The following FEZ1 variants were observed in gnomAD, a reference collection of about 807,000 sequenced individuals.
FEZ1 encodes the protein fasciculation and elongation protein zeta-1.
FEZ1 carries 20 observed loss-of-function variants against 49.3 expected under a neutral mutation model. That is an observed-to-expected ratio of 0.41 (90% CI 0.29 to 0.59). The LOEUF is 0.59. FEZ1 is among the 20% of genes least tolerant of loss of function. FEZ1 has a pLI of 0.36. For synonymous variants in FEZ1, 170 were observed against 180.9 expected, an observed-to-expected ratio of 0.94 and a Z score of 0.48; for missense variants, 413 against 476.0, an observed-to-expected ratio of 0.87 and a Z score of 1.23.
chr11:125,475,613 C>G (rs1957223964), intron 3 of FEZ1, among the ~76,000 whole-genome samples: 1 of 151,910 alleles, frequency 6.6e-6, no homozygotes, highest in Non-Finnish European at 1.5e-5. Flanking sequence ...GGGAGAGGAT[C>G]AGGAAAAATA....
intron 3 of FEZ1, among the ~76,000 whole-genome samples, chr11:125,467,531 A>G (rs1418542874): frequency 6.6e-6 from 1 of 152,222 alleles, no homozygotes; most frequent in Non-Finnish European, 1.5e-5. Context: ...TTCCACAGGT[A>G]ACTTAGCTAT....
intron 7 of FEZ1, 120 bp from the exon 8 acceptor site, chr11:125,452,529 C>A: frequency 1.5e-6 from 1 of 658,880 alleles, no homozygotes; most frequent in South Asian, 1.8e-5. Flanking sequence ...CATTCATGGT[C>A]ACTGGTACGT....
Position 125,495,768 on chromosome 11 carries a change from ACG to A in FEZ1, c.-46+351_-46+352del, listed in dbSNP as rs1957459381. ...CCATACCTCGCCGCCCTGCCTTCAC[ACG>A]CGCGCACACACGCGGGCACACACAC... On this transcript the variant is annotated intron_variant, in intron 1 of 9. Coordinates refer to ENST00000278919, the MANE Select transcript of FEZ1 (RefSeq NM_005103.5). This position sits in a 1 kb window ranked among gnomAD's most constrained non-coding sequence, Gnocchi z 4.2. The A allele has an allele frequency of 5.6e-6, 2 of 355,280 alleles. No individual in the cohort carries two copies. The highest frequency in any genetic ancestry group is 1.1e-5 in the Non-Finnish European group (2 of 180,410). 22.0% of individuals were successfully genotyped at this position (355,280 alleles called of 1,614,324 possible). A position where few individuals can be genotyped will look rare whatever the true frequency, so the allele number is the denominator to read the frequency against.
At chr11:125,466,911 C>T (rs1165671924) in intron 3 of FEZ1, among the ~76,000 whole-genome samples, 1 of 152,060 alleles carries the variant, frequency 6.6e-6, no homozygotes, top group African/African-American at 2.4e-5. Context: ...ATATTTTCCT[C>T]CCCTTACCAC....
chr11:125,487,037 CTGAGGCAGTCAA>C (rs1197686854), intron 2 of FEZ1, among the ~76,000 whole-genome samples: 2 of 152,184 alleles, frequency 1.3e-5, no homozygotes, highest in Non-Finnish European at 1.5e-5. Flanking sequence ...GGTCTCTTAA[CTGAGGCAGTCAA>C]TGAGGCAGTC....
chr11:125,474,191 ATTTTTTT>A (rs34135138), intron 3 of FEZ1, among the ~76,000 whole-genome samples: 1 of 128,450 alleles, frequency 7.8e-6, no homozygotes, highest in African/African-American at 3.0e-5. Context: ...TGCCAGGCTA[ATTTTTTT>A]TTTTTTTTTT....
chr11:125,449,417 TAAA>T lies in FEZ1; in HGVS notation c.1097-853_1097-851del, dbSNP rs35920814. Among the ~76,000 whole-genome samples, 10 of 27,014 alleles carry T rather than the reference TAAA, an allele frequency of 3.7e-4. 1 individual carries two copies. Among genetic ancestry groups the T allele is most frequent in the East Asian group, 2.6e-3 (1 of 380 alleles). The allele number at this position is 27,014 out of a possible 152,430, so 17.7% of individuals were successfully genotyped here. On this transcript the variant is annotated intron_variant, in intron 8 of 9. Transcript: ENST00000278919. ...ACAACATAGCAAGACTTTGTCTCTATAAAAAAAAAAAAAAAAAAAAAAAAAAGA... is the reference window on the plus strand; with the variant it reads ...ACAACATAGCAAGACTTTGTCTCTATAAAAAAAAAAAAAAAAAAAAAAAGA...
rs753834541 is a variant in FEZ1, at chr11:125,463,540, C to T, written c.442G>A (p.Glu148Lys). The T allele has an allele frequency of 2.1e-5, 34 of 1,611,210 alleles. No individual in the cohort carries two copies. Among genetic ancestry groups the T allele is most frequent in the Non-Finnish European group, 2.7e-5 (32 of 1,177,426 alleles). The change falls in exon 4 of 10, where the codon GAG (glutamate) becomes AAG (lysine). Residue 148 changes from glutamate (E) to lysine (K), a missense_variant. By Grantham distance (56) the Glu-to-Lys change is moderately conservative. Coordinates refer to ENST00000278919, the MANE Select transcript of FEZ1 (RefSeq NM_005103.5). Reference protein sequence around the residue: ...IHEKEEEEFNEKSENDSGINE... With the variant: ...IHEKEEEEFNKKSENDSGINE... ...ATACCGGAATCATTTTCACTCTTCTCATTGAACTCTTCCTCTTCTTTCTCA... is the reference window on the plus strand; with the variant it reads ...ATACCGGAATCATTTTCACTCTTCTTATTGAACTCTTCCTCTTCTTTCTCA...
At position 125,454,190 on chromosome 11, in the gene FEZ1, G is replaced by C. The variant is rs139178115; in HGVS notation, c.960C>G (p.Ile320Met). The change falls in exon 7 of 10, where the codon ATC (isoleucine) becomes ATG (methionine). Residue 320 changes from isoleucine (I) to methionine (M), a missense_variant. Coordinates refer to ENST00000278919, the MANE Select transcript of FEZ1 (RefSeq NM_005103.5). ...MPLKRFSMEG[I>M]SNILQSGIRQ... ...GGATGCCACTCTGCAGAATGTTGGA[G>C]ATGCCTTCCATGCTGAAGCGCTGTG... is the stretch of plus-strand genomic sequence containing the variant. 141 of 1,613,582 alleles carry C rather than the reference G, an allele frequency of 8.7e-5. No individual in the cohort carries two copies. The highest frequency in any genetic ancestry group is 3.3e-4 in the Middle Eastern group (2 of 6,062).
At chr11:125,475,656 T>G (rs1383985196) in intron 3 of FEZ1, among the ~76,000 whole-genome samples, 2 of 151,986 alleles carry the variant, frequency 1.3e-5, no homozygotes, top group Admixed American at 1.3e-4. Context: ...ACCTGGGTGA[T>G]GAAATAATCT....
chr11:125,457,725 T>G (rs1957033920), intron 5 of FEZ1, among the ~76,000 whole-genome samples: 1 of 151,950 alleles, frequency 6.6e-6, no homozygotes, highest in Admixed American at 6.6e-5. Flanking sequence ...AATCACATCA[T>G]GGAGAATGAG....
chr11:125,454,778 G>A (rs1243432421), intron 6 of FEZ1, among the ~76,000 whole-genome samples: 2 of 152,092 alleles, frequency 1.3e-5, no homozygotes, highest in African/African-American at 4.8e-5. Context: ...CACTTTGGGA[G>A]GCCGAGGCGG....
chr11:125,452,323 G>A lies in FEZ1; in HGVS notation c.1096+11C>T. ...GAGCCACTGATCTGGCTGAGAACAA[G>A]AGGAACTCACTGTTTGTCAGCATCT... On this transcript the variant is annotated intron_variant, in intron 8 of 9. Coordinates refer to ENST00000278919, the MANE Select transcript of FEZ1 (RefSeq NM_005103.5). 1 of 1,582,484 alleles carries A rather than the reference G, an allele frequency of 6.3e-7. No homozygotes were observed. The highest frequency in any genetic ancestry group is 1.1e-5 in the South Asian group (1 of 90,510).
chr11:125,473,216 GA>G (rs1378907850), intron 3 of FEZ1, among the ~76,000 whole-genome samples: 5 of 152,068 alleles, frequency 3.3e-5, no homozygotes, highest in African/African-American at 9.7e-5. Flanking sequence ...CATTGAAACA[GA>G]AAAAAGAATT....
intron 4 of FEZ1, among the ~76,000 whole-genome samples, chr11:125,462,757 G>A (rs1433478785): frequency 6.6e-6 from 1 of 152,176 alleles, no homozygotes; most frequent in Non-Finnish European, 1.5e-5. Flanking sequence ...CCAGCACTTT[G>A]GGAGGCCAAG....
intron 2 of FEZ1, among the ~76,000 whole-genome samples, chr11:125,486,095 G>A (rs1957324590): frequency 6.6e-6 from 1 of 152,218 alleles, no homozygotes. Flanking sequence ...TCACAATTAT[G>A]TGTAGTTTTC....
chr11:125,479,319 T>A (rs34904836), intron 3 of FEZ1, among the ~76,000 whole-genome samples: 9,540 of 152,332 alleles, frequency 0.063, 406 homozygotes, highest in Non-Finnish European at 0.094. Context: ...AAGGGGAATC[T>A]GTTTCTTGCT....
intron 3 of FEZ1, among the ~76,000 whole-genome samples, chr11:125,481,141 A>G (rs1027750963): frequency 1.3e-5 from 2 of 151,918 alleles, no homozygotes; most frequent in Admixed American, 6.6e-5. Flanking sequence ...ATAGATGACC[A>G]TTCCTATCAT....
At chr11:125,493,484 A>G (rs1290335145) in intron 1 of FEZ1, among the ~76,000 whole-genome samples, 8 of 82,216 alleles carry the variant, frequency 9.7e-5, no homozygotes, top group African/African-American at 1.9e-4. Flanking sequence ...GAAAGAAGGA[A>G]AGAAGGAAAG....
Sources: gnomAD v4.1 joint callset for allele counts (sites outside exome capture counted in the v4.1 genomes callset) on GRCh38, gnomAD v4.1.1 for gene constraint, Gnocchi (gnomAD v3.1) non-coding constraint, MANE v1.5 for transcripts, NCBI Gene and HGNC (gene_info 2026-07-23, HGNC 2026-07-21) for gene names.